SNTB1: variants seen among roughly 807,000 people sequenced by gnomAD.
SNTB1 encodes the protein beta-1-syntrophin.
SNTB1 carries 36 observed loss-of-function variants against 48.9 expected under a neutral mutation model. The observed-to-expected ratio is 0.74, with a 90% confidence interval of 0.56 to 0.97. SNTB1 has a LOEUF of 0.97. Ranked by LOEUF, SNTB1 falls within the 50% of genes least tolerant of loss-of-function variation. The pLI is 0.00. For missense variants in SNTB1, 786 were observed against 703.4 expected (o/e 1.12, Z -1.33); for synonymous variants, 299 against 294.6 (o/e 1.01, Z -0.15).
intron 2 of SNTB1, among the ~76,000 whole-genome samples, chr8:120,649,757 T>A (rs1055685674): frequency 1.3e-5 from 2 of 152,036 alleles, no homozygotes; most frequent in African/African-American, 4.8e-5. Context: ...CGGGCGCCCC[T>A]CCCCCAGCCT....
intron 1 of SNTB1, among the ~76,000 whole-genome samples, chr8:120,802,819 T>A (rs34521781): frequency 0.14 from 21,435 of 152,062 alleles, 2,520 homozygotes; most frequent in African/African-American, 0.32. Context: ...TTTTACATAC[T>A]TAGTCCCTTT....
Position 120,721,959 on chromosome 8 carries a change from A to G in SNTB1, c.572-28051T>C, listed in dbSNP as rs548321392. ...TGTGACCAAGTGTTCTCATTTTTCA[A>G]TTCCCACCTATGAGTGAGAACATGC... On this transcript the variant is annotated intron_variant, in intron 1 of 6. Coordinates refer to ENST00000517992, the MANE Select transcript of SNTB1 (RefSeq NM_021021.4). Among the ~76,000 whole-genome samples, 947 of 143,300 alleles carry G rather than the reference A, an allele frequency of 6.6e-3. 11 individuals are homozygous for G. The highest frequency in any genetic ancestry group is 0.014 in the African/African-American group (525 of 38,134). 94.0% of individuals were successfully genotyped at this position (143,300 alleles called of 152,430 possible).
rs201392647 is a variant in SNTB1 at position 120,682,101 on chromosome 8, T to TA, written c.788+11590dup. 4.7e-3 allele frequency among the ~76,000 whole-genome samples: 691 copies of TA among 145,808 alleles called. 2 individuals are homozygous for TA. The highest frequency in any genetic ancestry group is 8.3e-3 in the Non-Finnish European group (550 of 65,978). ...TCATGAGAAGGATTAAAAAATAAAG[T>TA]AAAAAAAAAGGTAATGTAAGCAATA... On this transcript the variant is annotated intron_variant, in intron 2 of 6. Transcript: ENST00000517992.
At chr8:120,760,013 A>G (rs1819389162) in intron 1 of SNTB1, among the ~76,000 whole-genome samples, 1 of 152,228 alleles carries the variant, frequency 6.6e-6, no homozygotes, top group South Asian at 2.1e-4. Context: ...TTGGCCATAC[A>G]GTCTCTGTCA....
At chr8:120,620,642 A>T (rs1816778624) in intron 3 of SNTB1, among the ~76,000 whole-genome samples, 1 of 150,104 alleles carries the variant, frequency 6.7e-6, no homozygotes, top group African/African-American at 2.4e-5. Context: ...TGTGCAGCAC[A>T]ACTCCCCCCA....
chr8:120,642,491 T>C (rs1174218530), intron 2 of SNTB1, among the ~76,000 whole-genome samples: 4 of 152,324 alleles, frequency 2.6e-5, no homozygotes, highest in Admixed American at 2.0e-4. Flanking sequence ...TCTCTGAGGC[T>C]AAGCTGGAGC....
intron 3 of SNTB1, among the ~76,000 whole-genome samples, chr8:120,589,035 A>G (rs1028104462): frequency 1.7e-4 from 26 of 152,136 alleles, no homozygotes; most frequent in African/African-American, 5.6e-4. Flanking sequence ...CGTGCCTTGT[A>G]TCACTGGGTA....
intron 1 of SNTB1, among the ~76,000 whole-genome samples, chr8:120,794,547 T>C (rs1347314569): frequency 3.9e-5 from 6 of 152,020 alleles, no homozygotes; most frequent in Admixed American, 3.9e-4. Flanking sequence ...AAGGTAAATA[T>C]ATAAAGAGGG....
chr8:120,742,942 C>T (rs57513187), intron 1 of SNTB1, among the ~76,000 whole-genome samples: 6 of 151,944 alleles, frequency 3.9e-5, no homozygotes, highest in Non-Finnish European at 7.4e-5. Context: ...AAGCCAGATA[C>T]GAATTTCAAA....
chr8:120,691,547 G>A (rs1332637732), intron 2 of SNTB1, among the ~76,000 whole-genome samples: 1 of 152,142 alleles, frequency 6.6e-6, no homozygotes, highest in African/African-American at 2.4e-5. Flanking sequence ...AAATGATGAG[G>A]AGAGTTCATT....
intron 3 of SNTB1, among the ~76,000 whole-genome samples, chr8:120,620,954 T>C (rs1816784973): frequency 9.8e-6 from 1 of 101,890 alleles, no homozygotes; most frequent in African/African-American, 2.6e-5. Context: ...TTTTCTTTTC[T>C]TTCTTTTTTC....
At chr8:120,551,418 G>C (rs983734196) in intron 4 of SNTB1, among the ~76,000 whole-genome samples, 1 of 152,042 alleles carries the variant, frequency 6.6e-6, no homozygotes, top group Admixed American at 6.6e-5. Flanking sequence ...ATGTTAAACT[G>C]AAAAAGGACA....
At chr8:120,754,157 G>GA (rs1819271544) in intron 1 of SNTB1, among the ~76,000 whole-genome samples, 1 of 152,068 alleles carries the variant, frequency 6.6e-6, no homozygotes, top group Non-Finnish European at 1.5e-5. Flanking sequence ...AATAGAACCT[G>GA]AAAAATTATC....
At chr8:120,745,654 T>G (rs1819114813) in intron 1 of SNTB1, among the ~76,000 whole-genome samples, 1 of 152,110 alleles carries the variant, frequency 6.6e-6, no homozygotes, top group African/African-American at 2.4e-5. Flanking sequence ...AACTCTTATT[T>G]GGAGCAAAAC....
chr8:120,633,599 G>A (rs546329979), intron 2 of SNTB1, among the ~76,000 whole-genome samples: 3 of 151,606 alleles, frequency 2.0e-5, no homozygotes, highest in East Asian at 1.9e-4. Context: ...AGTAAGACTC[G>A]GTCTCAAATA....
In SNTB1 at chr8:120,721,133, G is replaced by A. The variant is rs572324406; in HGVS notation, c.572-27225C>T. ...ATTTCAGAAAACCCTAGGGTGTCAT[G>A]GAACCCTAGACTTCTATAAAGTATG... On this transcript the variant is annotated intron_variant, in intron 1 of 6. Coordinates refer to ENST00000517992, the MANE Select transcript of SNTB1 (RefSeq NM_021021.4). Among the ~76,000 whole-genome samples the A allele has an allele frequency of 3.3e-5, 5 of 152,266 alleles. No individual in the cohort carries two copies. In the East Asian group the frequency reaches 9.7e-4, roughly 29 times the overall value.
intron 1 of SNTB1, among the ~76,000 whole-genome samples, chr8:120,779,289 G>C (rs1819791056): frequency 6.6e-6 from 1 of 152,158 alleles, no homozygotes; most frequent in African/African-American, 2.4e-5. Context: ...CAGATCACAA[G>C]GTCAGGAGAT....
rs201400906 is a variant in SNTB1, at chr8:120,645,574, G to A, written c.789-12923C>T. Reference sequence around the variant, plus strand: ...CTGTTTTGGTTACTGTAGCCTTGTAGTATAGTTTGAAGTCAGGTAGTGTGA... The same window carrying A: ...CTGTTTTGGTTACTGTAGCCTTGTAATATAGTTTGAAGTCAGGTAGTGTGA... On this transcript the variant is annotated intron_variant, in intron 2 of 6. Transcript: ENST00000517992. Among the ~76,000 whole-genome samples the A allele has an allele frequency of 3.8e-4, 55 of 146,622 alleles. No individual in the cohort carries two copies. The East Asian group carries it at 0.011, about 29-fold the overall frequency.
At chr8:120,809,758 T>G (rs1820395459) in intron 1 of SNTB1, among the ~76,000 whole-genome samples, 1 of 152,208 alleles carries the variant, frequency 6.6e-6, no homozygotes, top group African/African-American at 2.4e-5. Context: ...AAACTTTTTT[T>G]CTGTTATGTT....
Sources: gnomAD v4.1 joint callset for allele counts (sites outside exome capture counted in the v4.1 genomes callset) on GRCh38, gnomAD v4.1.1 for gene constraint, MANE v1.5 for transcripts, NCBI Gene and HGNC (gene_info 2026-07-23, HGNC 2026-07-21) for gene names.